The following MFGE8 variants were observed in gnomAD, a reference collection of about 807,000 sequenced individuals.
The protein encoded by MFGE8 is lactadherin.
A neutral mutation model predicts 42.6 loss-of-function variants in MFGE8; 34 were observed. The ratio of observed to expected loss-of-function variants is 0.80; its 90% CI spans 0.61 to 1.06. MFGE8 has a LOEUF of 1.06. Among genes scored for constraint, MFGE8 ranks in the 50% least tolerant of loss-of-function variants. The probability of loss-of-function intolerance (pLI) is 0.00; values close to 1 mark genes in which losing one functional copy is unlikely to be tolerated. For missense variants in MFGE8, 510 were observed against 516.9 expected, an observed-to-expected ratio of 0.99 and a Z score of 0.13; for synonymous variants, 230 against 214.8, an observed-to-expected ratio of 1.07 and a Z score of -0.62.
At position 88,899,930 on chromosome 15, in the gene MFGE8, T is replaced by C. The variant is rs1446748135; in HGVS notation, c.871-119A>G. On this transcript the variant is annotated intron_variant, in intron 6 of 7. Transcript: ENST00000268150. The surrounding 1 kb of genome is among the most constrained non-coding windows in gnomAD (Gnocchi z 6.8). ...AAAAAACTACTTGGGTGAGCCTCAG[T>C]TTCTTTGGCTATAAAATGGGCATAA... 5 of 1,203,306 alleles carry C rather than the reference T, an allele frequency of 4.2e-6. No homozygotes were observed. The highest frequency in any genetic ancestry group is 4.8e-6 in the Non-Finnish European group (4 of 831,382). The allele number at this position is 1,203,306 out of a possible 1,614,324, so 74.5% of individuals were successfully genotyped here.
In MFGE8 at chr15:88,902,754, G is replaced by A. The variant is rs1898492401; in HGVS notation, c.686-1019C>T. 1 of 152,276 alleles carries A rather than the reference G, an allele frequency of 6.6e-6. No homozygotes were observed. Among genetic ancestry groups the A allele is most frequent in the Non-Finnish European group, 1.5e-5 (1 of 68,090 alleles). 9.4% of individuals were successfully genotyped at this position (152,276 alleles called of 1,614,324 possible). ...GATACAACTCCCAAGAGAATGATGG[G>A]GGTGTCTCCCACCTGGAAGAATCCT... On this transcript the variant is annotated intron_variant, in intron 5 of 7. Coordinates refer to ENST00000268150, the MANE Select transcript of MFGE8 (RefSeq NM_005928.4). This position sits in a 1 kb window ranked among gnomAD's most constrained non-coding sequence, Gnocchi z 4.3.
chr15:88,906,872 G>A lies in MFGE8; in HGVS notation c.388-94C>T, dbSNP rs1043371818. 3 of 1,502,148 alleles carry A rather than the reference G, an allele frequency of 2.0e-6. No homozygotes were observed. The highest frequency in any genetic ancestry group is 2.8e-6 in the Non-Finnish European group (3 of 1,084,330). 93.1% of individuals were successfully genotyped at this position (1,502,148 alleles called of 1,614,324 possible). ...CCATCCCTTCACTCCCCCACTGGGT[G>A]GGGGAACAACTCAAGCAAAACAGAG... On this transcript the variant is annotated intron_variant, in intron 3 of 7. Coordinates refer to ENST00000268150, the MANE Select transcript of MFGE8 (RefSeq NM_005928.4). This position sits in a 1 kb window ranked among gnomAD's most constrained non-coding sequence, Gnocchi z 4.2.
rs1898884891 is a variant in MFGE8 at position 88,909,993 on chromosome 15, G to T, written c.74-70C>A. 5.0e-6 allele frequency: 8 copies of T among 1,592,580 alleles called. No individual in the cohort carries two copies. The South Asian group carries it at 8.9e-5, about 18-fold the overall frequency. On this transcript the variant is annotated intron_variant, in intron 1 of 7. Coordinates refer to ENST00000268150, the MANE Select transcript of MFGE8 (RefSeq NM_005928.4). Reference sequence around the variant, plus strand: ...CTGGGGACACAGGTGAGAAGTAGCAGATGGGTCCAGCCCAAAAGGACCCTC... The same window carrying T: ...CTGGGGACACAGGTGAGAAGTAGCATATGGGTCCAGCCCAAAAGGACCCTC...
Position 88,907,712 on chromosome 15 carries a change from C to CG in MFGE8, c.206-337_206-336insC, listed in dbSNP as rs973939844. Among the ~76,000 whole-genome samples the CG allele has an allele frequency of 7.3e-5, 11 of 151,148 alleles. No homozygotes were observed. In the South Asian group the frequency reaches 8.6e-4, roughly 12 times the overall value. ...GCACTCATGGAAAGTAGAGTCCCCC[C>CG]CGCCAGGCTGTGGGAGGTGGCCTCG... On this transcript the variant is annotated intron_variant, in intron 2 of 7. Coordinates refer to ENST00000268150, the MANE Select transcript of MFGE8 (RefSeq NM_005928.4).
At position 88,906,096 on chromosome 15, in the gene MFGE8, C is replaced by A; in HGVS notation, c.541-195G>T. 1.6e-6 allele frequency: 1 copy of A among 642,486 alleles called. No individual in the cohort carries two copies. 39.8% of individuals were successfully genotyped at this position (642,486 alleles called of 1,614,324 possible). A position where few individuals can be genotyped will look rare whatever the true frequency, so the allele number is the denominator to read the frequency against. ...CCCACGGCCCTCCACAAAGATTCTC[C>A]TCTCACTTTCCTTAATCATCATGGA... On this transcript the variant is annotated intron_variant, in intron 4 of 7. Transcript: ENST00000268150. The surrounding 1 kb of genome is among the most constrained non-coding windows in gnomAD (Gnocchi z 4.2).
At chr15:88,907,531 G>A (rs1022092518) in intron 2 of MFGE8, among the ~76,000 whole-genome samples, 155 bp from the exon 3 acceptor site, 2 of 152,152 alleles carry the variant, frequency 1.3e-5, no homozygotes, top group Admixed American at 6.5e-5. Flanking sequence ...AGACCACAAA[G>A]GGACAATGAA....
chr15:88,912,878 C>T (rs1899033551), intron 1 of MFGE8: 1 of 985,304 alleles, frequency 1.0e-6, no homozygotes, highest in African/African-American at 1.7e-5. Flanking sequence ...ATACTAGAGT[C>T]CTAGAATCTC....
At chr15:88,913,138 G>C (rs1217949641) in intron 1 of MFGE8, 109 bp downstream of exon 1, 5 of 1,396,632 alleles carry the variant, frequency 3.6e-6, no homozygotes, top group Non-Finnish European at 3.7e-6. Context: ...CGGTCCCCGG[G>C]GCTTTGTCTA....
intron 2 of MFGE8, among the ~76,000 whole-genome samples, chr15:88,907,831 TCCC>T (rs1215361573): frequency 6.6e-6 from 1 of 151,482 alleles, no homozygotes; most frequent in South Asian, 2.1e-4. Flanking sequence ...CAGTGTCCCC[TCCC>T]CCCACCAGGA....
chr15:88,907,477 A>G, intron 2 of MFGE8, 101 bp from the exon 3 acceptor site: 1 of 1,064,924 alleles, frequency 9.4e-7, no homozygotes, highest in South Asian at 1.3e-5. Context: ...ACCTCTGCCT[A>G]AGCCCCAGGG....
Position 88,899,533 on chromosome 15 carries a change from C to T in MFGE8, c.1027-1G>A. ...GGTTGTCCCAGTTGCCAGGGAAGAT[C>T]TAGAGGCAGAGCGGGTGTCAGGAGG... On this transcript the variant is annotated splice_acceptor_variant, in intron 7 of 7. Transcript: ENST00000268150. LOFTEE classifies it high-confidence loss of function. This position sits in a 1 kb window ranked among gnomAD's most constrained non-coding sequence, Gnocchi z 6.8. 1 of 1,614,192 alleles carries T rather than the reference C, an allele frequency of 6.2e-7. No individual in the cohort carries two copies. The highest frequency in any genetic ancestry group is 8.5e-7 in the Non-Finnish European group (1 of 1,180,024).
chr15:88,907,845 A>G (rs1898773005), intron 2 of MFGE8, among the ~76,000 whole-genome samples: 1 of 152,084 alleles, frequency 6.6e-6, no homozygotes, highest in South Asian at 2.1e-4. Context: ...CCCACCAGGA[A>G]GGGACGCCAT....
chr15:88,907,661 T>A (rs1476205606), intron 2 of MFGE8, among the ~76,000 whole-genome samples: 1 of 150,162 alleles, frequency 6.7e-6, no homozygotes, highest in Non-Finnish European at 1.5e-5. Context: ...CCAGCCAGGG[T>A]AGCACTGTGG....
Position 88,899,710 on chromosome 15 carries a change from A to G in MFGE8, c.972T>C (p.Ser324=). The change falls in exon 7 of 8, where the codon AGT becomes AGC. Residue 324 remains serine (S), a synonymous_variant. Coordinates refer to ENST00000268150, the MANE Select transcript of MFGE8 (RefSeq NM_005928.4). This position sits in a 1 kb window ranked among gnomAD's most constrained non-coding sequence, Gnocchi z 6.8. ...ACTCAGTCCAGTTCGCACTGTCATT[A>G]CTGTAGGCAACCTTGTAGGATGCCA... ...QFVASYKVAY[S]NDSANWTEYQ... 1 of 1,614,186 alleles carries G rather than the reference A, an allele frequency of 6.2e-7. No individual in the cohort carries two copies. Among genetic ancestry groups the G allele is most frequent in the Non-Finnish European group, 8.5e-7 (1 of 1,180,034 alleles).
In MFGE8 at chr15:88,905,609, C is replaced by T. The variant is rs529853718; in HGVS notation, c.685+148G>A. 753 of 1,067,156 alleles carry T rather than the reference C, an allele frequency of 7.1e-4. 1 individual carries two copies. Among genetic ancestry groups the T allele is most frequent in the Admixed American group, 1.5e-3 (79 of 51,468 alleles). The allele number at this position is 1,067,156 out of a possible 1,614,324, so 66.1% of individuals were successfully genotyped here. ...TGGGGCTGCTATGGCCAGGTGACCC[C>T]CTAGAGTGCGTTGCCCGAGTGAAGC... On this transcript the variant is annotated intron_variant, in intron 5 of 7. Coordinates refer to ENST00000268150, the MANE Select transcript of MFGE8 (RefSeq NM_005928.4). This position sits in a 1 kb window ranked among gnomAD's most constrained non-coding sequence, Gnocchi z 6.6.
At chr15:88,901,904 C>A in intron 5 of MFGE8, 169 bp from the exon 6 acceptor site, 3 of 682,276 alleles carry the variant, frequency 4.4e-6, no homozygotes, top group South Asian at 1.7e-5. Flanking sequence ...GTGCGACCTT[C>A]TCACTGCCGA....
intron 2 of MFGE8, among the ~76,000 whole-genome samples, chr15:88,907,871 T>C (rs1025868834): frequency 6.6e-6 from 1 of 152,124 alleles, no homozygotes; most frequent in African/African-American, 2.4e-5. Flanking sequence ...GCCCAGCCCC[T>C]GGCTTCCTCA....
Position 88,905,090 on chromosome 15 carries a change from C to T in MFGE8, c.685+667G>A, listed in dbSNP as rs1898606209. On this transcript the variant is annotated intron_variant, in intron 5 of 7. Coordinates refer to ENST00000268150, the MANE Select transcript of MFGE8 (RefSeq NM_005928.4). This position sits in a 1 kb window ranked among gnomAD's most constrained non-coding sequence, Gnocchi z 6.6. ...GAAATCTGTCCCTTTATGGTCTCCCCAGCTCTTCATCTGGGAATCTCTTTG... is the reference window on the plus strand; with the variant it reads ...GAAATCTGTCCCTTTATGGTCTCCCTAGCTCTTCATCTGGGAATCTCTTTG... 6.6e-6 allele frequency among the ~76,000 whole-genome samples: 1 copy of T among 152,208 alleles called. No individual in the cohort carries two copies. The highest frequency in any genetic ancestry group is 1.5e-5 in the Non-Finnish European group (1 of 68,042).
rs1051814279 is a variant in MFGE8, at chr15:88,912,219, G to A, written c.73+1028C>T. On this transcript the variant is annotated intron_variant, in intron 1 of 7. Transcript: ENST00000268150. ...TGGGACTTCAGAGTCCTGCTCTTTC[G>A]GGGACTTTCCAGTAACATTTGGCCA... The A allele has an allele frequency of 4.8e-5, 62 of 1,289,612 alleles. No individual in the cohort carries two copies. The African/African-American group carries it at 7.3e-4, about 15-fold the overall frequency. The allele number at this position is 1,289,612 out of a possible 1,614,324, so 79.9% of individuals were successfully genotyped here. A position where few individuals can be genotyped will look rare whatever the true frequency, so the allele number is the denominator to read the frequency against.
Sources: gnomAD v4.1 joint callset for allele counts (sites outside exome capture counted in the v4.1 genomes callset) on GRCh38, gnomAD v4.1.1 for gene constraint, Gnocchi (gnomAD v3.1) non-coding constraint, MANE v1.5 for transcripts, NCBI Gene and HGNC (gene_info 2026-07-23, HGNC 2026-07-21) for gene names.